SKAP2: variants seen among roughly 807,000 people sequenced by gnomAD.
SKAP2 encodes src kinase-associated phosphoprotein 2.
SKAP2 carries 28 observed loss-of-function variants against 54.9 expected under a neutral mutation model. The ratio of observed to expected loss-of-function variants is 0.51; its 90% CI spans 0.38 to 0.70. The LOEUF is 0.70. Ranked by LOEUF, SKAP2 falls within the 30% of genes least tolerant of loss-of-function variation. SKAP2 has a pLI of 0.00. For synonymous variants in SKAP2, 137 were observed against 134.3 expected (o/e 1.02, Z -0.14); for missense variants, 356 against 424.1 (o/e 0.84, Z 1.41).
At chr7:26,677,394 T>TA (rs1322136047) in intron 11 of SKAP2, among the ~76,000 whole-genome samples, 11,948 of 73,092 alleles carry the variant, frequency 0.16, 585 homozygotes, top group Middle Eastern at 0.28. Context: ...TCTGTCTCAA[T>TA]AAAAAAAAAA....
chr7:26,655,080 TGAG>T, the SKAP2 span, among the ~76,000 whole-genome samples: 3,290 of 152,288 alleles, frequency 0.022, 55 homozygotes, highest in Non-Finnish European at 0.036. Context: ...TCAGGGGTTT[TGAG>T]GAGATCACCA....
Position 26,726,918 on chromosome 7 carries a change from A to G in SKAP2, c.558T>C (p.Cys186=). The G allele has an allele frequency of 4.3e-6, 7 of 1,611,006 alleles. No homozygotes were observed. Among genetic ancestry groups the G allele is most frequent in the Non-Finnish European group, 5.9e-6 (7 of 1,178,282 alleles). Residue 186 remains cysteine (C), a synonymous_variant, in exon 7 of 13, where the codon TGT becomes TGC. Coordinates refer to ENST00000345317, the MANE Select transcript of SKAP2 (RefSeq NM_003930.5). The stretch of plus-strand genomic sequence containing the variant: ...GTTTATCAGGAGCAGAGATTTCAAA[A>G]CAGCAATCTTTCTTTCCATCCTTTC... ...TLRKDGKKDC[C]FEISAPDKRI...
intron 4 of SKAP2, among the ~76,000 whole-genome samples, chr7:26,770,896 A>G (rs887979735): frequency 6.6e-6 from 1 of 152,168 alleles, no homozygotes; most frequent in Middle Eastern, 3.4e-3. Context: ...AGCTGTTCCT[A>G]TTTGGCCATC....
At chr7:26,655,251 C>A in the SKAP2 span, among the ~76,000 whole-genome samples, 7 of 152,284 alleles carry the variant, frequency 4.6e-5, no homozygotes, top group African/African-American at 1.7e-4. Flanking sequence ...CATGTTATTG[C>A]AATTTATGTG....
chr7:26,681,785 A>G (rs1786506983), intron 11 of SKAP2, among the ~76,000 whole-genome samples: 1 of 152,228 alleles, frequency 6.6e-6, no homozygotes, highest in Admixed American at 6.5e-5. Context: ...TACAAATACT[A>G]TTTTAGAATC....
intron 3 of SKAP2, among the ~76,000 whole-genome samples, chr7:26,846,951 T>C (rs562532818): frequency 1.8e-4 from 27 of 152,216 alleles, no homozygotes; most frequent in African/African-American, 6.5e-4. Context: ...GGGCCAAGAT[T>C]ATGCCACTGC....
At chr7:26,710,479 T>C (rs1787276970) in intron 9 of SKAP2, among the ~76,000 whole-genome samples, 1 of 152,060 alleles carries the variant, frequency 6.6e-6, no homozygotes. Flanking sequence ...GCAGGGAGGA[T>C]ATGGTTAGAA....
intron 6 of SKAP2, among the ~76,000 whole-genome samples, chr7:26,728,689 T>C (rs144465754): frequency 3.3e-5 from 5 of 152,230 alleles, no homozygotes; most frequent in Admixed American, 3.3e-4. Flanking sequence ...TCGCGCCACC[T>C]TCCCAATGAT....
At chr7:26,765,967 C>A (rs548577516) in intron 4 of SKAP2, among the ~76,000 whole-genome samples, 1 of 152,050 alleles carries the variant, frequency 6.6e-6, no homozygotes, top group East Asian at 1.9e-4. Context: ...TTTTTTGGTT[C>A]CATATGAAAT....
chr7:26,823,985 A>C (rs1784437329), intron 4 of SKAP2, among the ~76,000 whole-genome samples: 1 of 152,246 alleles, frequency 6.6e-6, no homozygotes, highest in African/African-American at 2.4e-5. Context: ...CGTAGTTGAT[A>C]AAGCAGTGGC....
chr7:26,786,761 C>T (rs944501344), intron 4 of SKAP2, among the ~76,000 whole-genome samples: 12 of 152,188 alleles, frequency 7.9e-5, no homozygotes, highest in African/African-American at 2.9e-4. Flanking sequence ...ACATTCTGTA[C>T]AAACTGACAG....
chr7:26,821,053 A>C (rs964350444), intron 4 of SKAP2, among the ~76,000 whole-genome samples: 3 of 152,220 alleles, frequency 2.0e-5, no homozygotes, highest in African/African-American at 7.2e-5. Context: ...TATAGGATAC[A>C]ATAATCTGTG....
chr7:26,737,508 T>C (rs1787968820), intron 6 of SKAP2, among the ~76,000 whole-genome samples: 1 of 152,200 alleles, frequency 6.6e-6, no homozygotes, highest in East Asian at 1.9e-4. Flanking sequence ...ATCTGAAATA[T>C]GACAATCTTA....
At position 26,722,040 on chromosome 7, in the gene SKAP2, T is replaced by C. The variant is rs139612294; in HGVS notation, c.796+3388A>G. On this transcript the variant is annotated intron_variant, in intron 9 of 12. Coordinates refer to ENST00000345317, the MANE Select transcript of SKAP2 (RefSeq NM_003930.5). ...GCACAAACACAAATATGCTATAGTA[T>C]TATTACAATGTAAACAAACCTGACT... Among the ~76,000 whole-genome samples the C allele has an allele frequency of 6.7e-3, 1,025 of 152,308 alleles. 16 individuals are homozygous for C. The highest frequency in any genetic ancestry group is 0.023 in the African/African-American group (962 of 41,560).
At chr7:26,783,950 A>C (rs924187904) in intron 4 of SKAP2, among the ~76,000 whole-genome samples, 1 of 152,020 alleles carries the variant, frequency 6.6e-6, no homozygotes, top group East Asian at 1.9e-4. Context: ...AATAATAATG[A>C]AATAAAATAA....
chr7:26,700,534 C>T (rs1584338960), intron 9 of SKAP2, among the ~76,000 whole-genome samples: 2 of 152,302 alleles, frequency 1.3e-5, no homozygotes, highest in African/African-American at 4.8e-5. Context: ...TTGCCCTCAA[C>T]TGCAGGGAAT....
intron 4 of SKAP2, among the ~76,000 whole-genome samples, chr7:26,788,962 A>G (rs573278760): frequency 1.3e-5 from 2 of 152,322 alleles, no homozygotes; most frequent in South Asian, 2.1e-4. Flanking sequence ...TCTACCATTG[A>G]TGTAGAAACA....
chr7:26,864,327 C>G, intron 1 of SKAP2, 36 bp downstream of exon 1: 1 of 1,613,286 alleles, frequency 6.2e-7, no homozygotes, highest in South Asian at 1.1e-5. Flanking sequence ...CTCGCCCCCG[C>G]CCCGACAGCA....
At chr7:26,819,594 T>C (rs1784350759) in intron 4 of SKAP2, among the ~76,000 whole-genome samples, 1 of 151,866 alleles carries the variant, frequency 6.6e-6, no homozygotes, top group African/African-American at 2.4e-5. Flanking sequence ...AACTTTCCCA[T>C]GCTTTCTCCC....
Sources: allele counts gnomAD v4.1 joint callset (sites outside exome capture counted in the v4.1 genomes callset), GRCh38; gene constraint gnomAD v4.1.1; transcripts MANE v1.5; gene names NCBI Gene and HGNC (gene_info 2026-07-23, HGNC 2026-07-21).